Variants in COL15A1 observed in about 807,000 individuals in gnomAD.
COL15A1 encodes the protein collagen type XV alpha 1 chain.
A neutral mutation model predicts 165.9 loss-of-function variants in COL15A1; 111 were observed. The ratio of observed to expected loss-of-function variants is 0.67; its 90% confidence interval spans 0.57 to 0.78. The LOEUF is 0.78. Ranked by LOEUF, COL15A1 falls within the 30% of genes least tolerant of loss-of-function variation. The pLI, the probability that COL15A1 is intolerant of heterozygous loss-of-function variation, is 0.00. For synonymous variants in COL15A1, 659 were observed against 674.8 expected, an observed-to-expected ratio of 0.98 and a Z score of 0.36; for missense variants, 1,745 against 1,789.7, an observed-to-expected ratio of 0.98 and a Z score of 0.45.
In COL15A1 at chr9:99,023,217, C is replaced by CAG. The variant is rs776727985; in HGVS notation, c.1762-134_1762-133dup. The CAG allele has an allele frequency of 1.6e-5, 18 of 1,105,142 alleles. No homozygotes were observed. In the East Asian group the frequency reaches 1.6e-4, roughly 10 times the overall value. 68.5% of individuals were successfully genotyped at this position (1,105,142 alleles called of 1,614,324 possible). On this transcript the variant is annotated intron_variant, in intron 13 of 41. Coordinates refer to ENST00000375001, the MANE Select transcript of COL15A1 (RefSeq NM_001855.5). ...CTGTAGAGGGGAGTGGGAGAAAAGT[C>CAG]AGAGAGAAAACGGGGAGCAGAAGTT...
At chr9:99,049,385 A>G (rs780493233) in intron 28 of COL15A1, among the ~76,000 whole-genome samples, 1 of 152,184 alleles carries the variant, frequency 6.6e-6, no homozygotes, top group African/African-American at 2.4e-5. Flanking sequence ...CTGAGTTGCA[A>G]TCTCAGTTCT....
intron 2 of COL15A1, among the ~76,000 whole-genome samples, chr9:98,968,976 C>T (rs953750644): frequency 7.9e-5 from 12 of 152,302 alleles, no homozygotes; most frequent in African/African-American, 1.7e-4. Flanking sequence ...GAGAAAAAAA[C>T]GCCAATCCCA....
At chr9:98,957,265 C>T (rs984312645) in intron 2 of COL15A1, among the ~76,000 whole-genome samples, 5 of 152,188 alleles carry the variant, frequency 3.3e-5, no homozygotes, top group African/African-American at 1.2e-4. Flanking sequence ...ACGAAGGGGC[C>T]ACAAGCCAAG....
At chr9:98,975,042 G>A (rs558675184) in intron 2 of COL15A1, among the ~76,000 whole-genome samples, 1 of 152,106 alleles carries the variant, frequency 6.6e-6, no homozygotes, top group Non-Finnish European at 1.5e-5. Flanking sequence ...AGCGCAGGTG[G>A]AAAGCCTTCC....
At chr9:99,002,395 G>C (rs1227593695) in intron 7 of COL15A1, among the ~76,000 whole-genome samples, 1 of 152,260 alleles carries the variant, frequency 6.6e-6, no homozygotes, top group East Asian at 1.9e-4. Context: ...GGTTTGGAGT[G>C]AGTAGAGGGG....
intron 14 of COL15A1, among the ~76,000 whole-genome samples, chr9:99,024,572 G>A (rs984705878): frequency 6.6e-6 from 1 of 152,106 alleles, no homozygotes; most frequent in African/African-American, 2.4e-5. Context: ...GTTCACCAGA[G>A]CACCTCTCAG....
At chr9:99,009,666 A>G (rs527888788) in intron 9 of COL15A1, among the ~76,000 whole-genome samples, 24 of 152,312 alleles carry the variant, frequency 1.6e-4, no homozygotes, top group Non-Finnish European at 2.9e-4. Context: ...TCATTTAGCC[A>G]AAGTGATACC....
chr9:99,054,421 C>A (rs1588535964), intron 31 of COL15A1, among the ~76,000 whole-genome samples, 155 bp from the exon 32 acceptor site: 1 of 152,204 alleles, frequency 6.6e-6, no homozygotes, highest in African/African-American at 2.4e-5. Flanking sequence ...TACCTCTGCC[C>A]TCTTTATGAT....
Position 99,059,876 on chromosome 9 carries a change from T to C in COL15A1, c.3338-13T>C. On this transcript the variant is annotated splice_polypyrimidine_tract_variant and intron_variant, in intron 35 of 41. Coordinates refer to ENST00000375001, the MANE Select transcript of COL15A1 (RefSeq NM_001855.5). The stretch of plus-strand genomic sequence containing the variant: ...TGGTTTTTGTGTAACTTCTCTTTTC[T>C]GTTTTGTCTTAGCTGTGGCCCTTCC... 6.2e-7 allele frequency: 1 copy of C among 1,612,100 alleles called. No homozygotes were observed. The highest frequency in any genetic ancestry group is 1.3e-5 in the African/African-American group (1 of 74,878).
Position 99,055,125 on chromosome 9 carries a change from C to T in COL15A1, c.3055C>T (p.Leu1019=). The change falls in exon 33 of 42, where the codon CTG becomes TTG. Residue 1019 remains leucine (L), a synonymous_variant. Coordinates refer to ENST00000375001, the MANE Select transcript of COL15A1 (RefSeq NM_001855.5). ...AGGTCCTCCACTTGATCTAGCTTACCTGAGACACTTTCTGAACAACTTGAA... is the reference window on the plus strand; with the variant it reads ...AGGTCCTCCACTTGATCTAGCTTACTTGAGACACTTTCTGAACAACTTGAA... The part of the protein sequence containing the change: ...PPGPPLDLAY[L]RHFLNNLKGE... 1.2e-6 allele frequency: 2 copies of T among 1,613,436 alleles called. No homozygotes were observed. The highest frequency in any genetic ancestry group is 1.7e-6 in the Non-Finnish European group (2 of 1,179,332).
chr9:99,047,686 A>G, intron 26 of COL15A1, 100 bp from the exon 27 acceptor site: 6 of 1,236,738 alleles, frequency 4.9e-6, no homozygotes, highest in Non-Finnish European at 7.1e-6. Context: ...CTGTCAGTGG[A>G]TCATCGTCAC....
Position 98,985,579 on chromosome 9 carries a change from G to C in COL15A1, c.115G>C (p.Gly39Arg). ...TRGATETASQGHLDLTQLIGV... is the reference protein window; with the variant it reads ...TRGATETASQRHLDLTQLIGV... ...CCTCCCTGCAGAGACTGCTTCCCAG[G>C]GTCACCTGGACCTCACGCAGCTCAT... is the stretch of plus-strand genomic sequence containing the variant. Residue 39 changes from glycine (G) to arginine (R), a missense_variant, in exon 3 of 42, where the codon GGT becomes CGT. Transcript: ENST00000375001. The C allele has an allele frequency of 6.2e-7, 1 of 1,612,278 alleles. No homozygotes were observed. Among genetic ancestry groups the C allele is most frequent in the Non-Finnish European group, 8.5e-7 (1 of 1,178,498 alleles).
intron 21 of COL15A1, among the ~76,000 whole-genome samples, chr9:99,037,767 G>A (rs1839327474): frequency 6.6e-6 from 1 of 152,146 alleles, no homozygotes; most frequent in Non-Finnish European, 1.5e-5. Context: ...TCTTTGAGCA[G>A]GGATTGGAAA....
At chr9:98,981,145 G>A (rs1017186666) in intron 2 of COL15A1, among the ~76,000 whole-genome samples, 1 of 152,094 alleles carries the variant, frequency 6.6e-6, no homozygotes, top group Non-Finnish European at 1.5e-5. Context: ...TTATACCATA[G>A]AGTACTGTTG....
Position 99,035,376 on chromosome 9 carries a change from G to A in COL15A1, c.2247G>A (p.Gln749=), listed in dbSNP as rs1339623524. The A allele has an allele frequency of 1.9e-6, 3 of 1,614,040 alleles. No individual in the cohort carries two copies. Among genetic ancestry groups the A allele is most frequent in the Non-Finnish European group, 1.7e-6 (2 of 1,180,036 alleles). Residue 749 remains glutamine (Q), a synonymous_variant, in exon 19 of 42, where the codon CAG becomes CAA. Transcript: ENST00000375001. ...ATACCGAAGGCTCTGGAAGCACCCA[G>A]CTATTGAATGAACCCAAACTCTCCA... ...FEDTEGSGST[Q]LLNEPKLSRP...
At chr9:98,970,525 C>T (rs1221454804) in intron 2 of COL15A1, among the ~76,000 whole-genome samples, 1 of 152,242 alleles carries the variant, frequency 6.6e-6, no homozygotes, top group Admixed American at 6.5e-5. Flanking sequence ...GTGGGCTCCT[C>T]TGTAAATATC....
At chr9:99,036,860 T>C (rs1839311186) in intron 21 of COL15A1, among the ~76,000 whole-genome samples, 1 of 152,194 alleles carries the variant, frequency 6.6e-6, no homozygotes, top group Non-Finnish European at 1.5e-5. Flanking sequence ...TTGCCAGATG[T>C]GCTTCCCAGA....
chr9:98,986,277 T>C, intron 3 of COL15A1, 165 bp downstream of exon 3: 2 of 612,080 alleles, frequency 3.3e-6, no homozygotes, highest in African/African-American at 3.7e-5. Flanking sequence ...AAAACCTAGA[T>C]TTCCATCCTC....
intron 2 of COL15A1, among the ~76,000 whole-genome samples, chr9:98,952,132 A>G (rs1255638009): frequency 6.6e-6 from 1 of 152,172 alleles, no homozygotes; most frequent in East Asian, 1.9e-4. Context: ...GTGGGTACTC[A>G]GCATACTTTT....
Sources: gnomAD v4.1 joint callset for allele counts (sites outside exome capture counted in the v4.1 genomes callset) on GRCh38, gnomAD v4.1.1 for gene constraint, MANE v1.5 for transcripts, NCBI Gene and HGNC (gene_info 2026-07-23, HGNC 2026-07-21) for gene names.